The following ADAMTS9 variants were observed in gnomAD, a reference collection of about 807,000 sequenced individuals.
ADAMTS9 encodes ADAM metallopeptidase with thrombospondin type 1 motif 9, also known as A disintegrin and metalloproteinase with thrombospondin motifs 9.
ADAMTS9 carries 107 observed loss-of-function variants against 257.1 expected under a neutral mutation model. The observed-to-expected ratio is 0.42, with a 90% confidence interval of 0.36 to 0.49. The LOEUF is 0.49. ADAMTS9 is among the 20% of genes least tolerant of loss of function. The pLI is 0.03. For missense variants in ADAMTS9, 2,353 were observed against 2,469.1 expected (o/e 0.95, Z 1.00); for synonymous variants, 982 against 880.9 (o/e 1.11, Z -2.03).
At position 64,687,609 on chromosome 3, in the gene ADAMTS9, G is replaced by A; in HGVS notation, c.49C>T (p.Leu17=). 6.3e-7 allele frequency: 1 copy of A among 1,586,872 alleles called. No individual in the cohort carries two copies. Among genetic ancestry groups the A allele is most frequent in the Non-Finnish European group, 8.6e-7 (1 of 1,168,108 alleles). Residue 17 remains leucine, a synonymous_variant, in exon 1 of 40, where the codon CTG becomes TTG. Transcript: ENST00000498707. The surrounding 1 kb of genome is among the most constrained non-coding windows in gnomAD (Gnocchi z 4.4). ...GCGTCTGGGCTCCCCATCTCGGCCA[G>A]GTCCCGCACCAGGAGCGTTAGCAGT... ...ATLLTLLVRD[L]AEMGSPDAAA... is the part of the protein sequence containing the mutation.
At chr3:64,669,846 C>A (rs978817855) in intron 3 of ADAMTS9, among the ~76,000 whole-genome samples, 4 of 152,098 alleles carry the variant, frequency 2.6e-5, no homozygotes, top group African/African-American at 9.7e-5. Flanking sequence ...TTATTTCGGA[C>A]CTGCTAAAAC....
intron 23 of ADAMTS9, among the ~76,000 whole-genome samples, chr3:64,604,904 C>T (rs9870536): frequency 0.089 from 13,502 of 152,212 alleles, 1,885 homozygotes; most frequent in African/African-American, 0.3. Context: ...AGGTCATCTG[C>T]GTACAGGTAA....
rs752084822 is a variant in ADAMTS9 at position 64,593,713 on chromosome 3, T to G, written c.4356+545A>C. Reference sequence around the variant, plus strand: ...ACACCCTAAAAGGCACCAGGTCACCTGTTCCATTTTTGGTCTTTTGCATTT... The same window carrying G: ...ACACCCTAAAAGGCACCAGGTCACCGGTTCCATTTTTGGTCTTTTGCATTT... On this transcript the variant is annotated intron_variant, in intron 28 of 39. Transcript: ENST00000498707. 9.2e-5 allele frequency among the ~76,000 whole-genome samples: 14 copies of G among 152,236 alleles called. 1 individual carries two copies. Among genetic ancestry groups the G allele is most frequent in the Non-Finnish European group, 2.1e-4 (14 of 68,038 alleles).
intron 38 of ADAMTS9, among the ~76,000 whole-genome samples, chr3:64,525,278 T>A (rs11718615): frequency 0.69 from 104,708 of 152,084 alleles, 40,546 homozygotes; most frequent in Non-Finnish European, 0.86. Context: ...GTTCCCCTTA[T>A]GCTTTACCAT....
At chr3:64,544,990 G>C (rs1281053678) in intron 32 of ADAMTS9, among the ~76,000 whole-genome samples, 1 of 93,870 alleles carries the variant, frequency 1.1e-5, no homozygotes, top group Non-Finnish European at 2.2e-5. Flanking sequence ...CATTTATGCA[G>C]CCAAAAGACA....
At chr3:64,668,382 C>G (rs1047910282) in intron 3 of ADAMTS9, among the ~76,000 whole-genome samples, 2 of 152,150 alleles carry the variant, frequency 1.3e-5, no homozygotes, top group Non-Finnish European at 2.9e-5. Flanking sequence ...ATGGTGCATT[C>G]TAGGCAGGAA....
chr3:64,517,329 C>A (rs1008366554), intron 39 of ADAMTS9, among the ~76,000 whole-genome samples: 1 of 151,204 alleles, frequency 6.6e-6, no homozygotes, highest in African/African-American at 2.4e-5. Context: ...TCAGCCTTGA[C>A]CTCCTGGGCA....
intron 12 of ADAMTS9, among the ~76,000 whole-genome samples, chr3:64,637,703 C>T (rs114791530): frequency 0.019 from 2,930 of 152,254 alleles, 90 homozygotes; most frequent in African/African-American, 0.067. Flanking sequence ...AACAGGCAGC[C>T]CCAGAAGGTA....
chr3:64,642,525 C>T (rs1700675802), intron 11 of ADAMTS9, among the ~76,000 whole-genome samples: 1 of 152,134 alleles, frequency 6.6e-6, no homozygotes, highest in South Asian at 2.1e-4. Flanking sequence ...AAAACGGACA[C>T]ACTACAGAGA....
intron 39 of ADAMTS9, among the ~76,000 whole-genome samples, chr3:64,521,958 G>A (rs1272497827): frequency 2.0e-5 from 3 of 152,212 alleles, no homozygotes; most frequent in Admixed American, 1.3e-4. Context: ...GGCCAGCTCT[G>A]TAGAGGGGAA....
rs760873528 is a variant in ADAMTS9, at chr3:64,633,627, A to G, written c.2039-19T>C. On this transcript the variant is annotated intron_variant, in intron 13 of 39. Transcript: ENST00000498707. ...ATCAGAACTAGAGAGGAGAAACAAT[A>G]CAACTTGACTTTTGTGCCTGGCCTC... 1.4e-5 allele frequency: 22 copies of G among 1,613,998 alleles called. No homozygotes were observed. The South Asian group carries it at 2.2e-4, about 16-fold the overall frequency.
intron 28 of ADAMTS9, among the ~76,000 whole-genome samples, chr3:64,593,691 C>T (rs1004495165): frequency 6.6e-6 from 1 of 152,200 alleles, no homozygotes; most frequent in African/African-American, 2.4e-5. Flanking sequence ...ATTTCCGACA[C>T]CCTAAAAGGC....
At chr3:64,554,214 C>T (rs886697195) in intron 30 of ADAMTS9, among the ~76,000 whole-genome samples, 3 of 152,198 alleles carry the variant, frequency 2.0e-5, no homozygotes, top group Non-Finnish European at 4.4e-5. Context: ...AAGCGTTTCT[C>T]TCTCAGTCTT....
intron 19 of ADAMTS9, among the ~76,000 whole-genome samples, chr3:64,620,157 G>A (rs72890826): frequency 0.01 from 1,540 of 152,178 alleles, 23 homozygotes; most frequent in African/African-American, 0.035. Context: ...GTCAGAACTG[G>A]CAAAAATATG....
At position 64,522,152 on chromosome 3, in the gene ADAMTS9, A is replaced by G. The variant is rs948880684; in HGVS notation, c.*5+14T>C. 4.4e-6 allele frequency: 7 copies of G among 1,608,578 alleles called. No individual in the cohort carries two copies. The highest frequency in any genetic ancestry group is 1.3e-5 in the African/African-American group (1 of 74,808). ...AAGACAAATACACAGACAGACAGAC[A>G]TAGGACTACTTACCTTAGCTATAAA... On this transcript the variant is annotated intron_variant, in intron 39 of 39. Transcript: ENST00000498707.
intron 9 of ADAMTS9, 88 bp from the exon 10 acceptor site, chr3:64,649,866 G>A: frequency 1.4e-6 from 2 of 1,423,896 alleles, no homozygotes; most frequent in Non-Finnish European, 1.9e-6. Flanking sequence ...CCCCACCATT[G>A]TAATGGTAGA....
At chr3:64,665,432 C>A (rs561726778) in intron 3 of ADAMTS9, among the ~76,000 whole-genome samples, 1 of 152,304 alleles carries the variant, frequency 6.6e-6, no homozygotes, top group African/African-American at 2.4e-5. Flanking sequence ...GTACCTATTT[C>A]ATAGAGTGGC....
intron 22 of ADAMTS9, among the ~76,000 whole-genome samples, chr3:64,608,258 C>CAAAAAAAAAAAAAAAAAAACAA (rs57247914): frequency 1.9e-5 from 1 of 53,310 alleles, no homozygotes; most frequent in African/African-American, 6.7e-5. Context: ...AAACTAAAAC[C>CAAAAAAAAAAAAAAAAAAACAA]AAAAAAAAAA....
chr3:64,668,102 C>T (rs1011406473), intron 3 of ADAMTS9, among the ~76,000 whole-genome samples: 3 of 152,138 alleles, frequency 2.0e-5, no homozygotes, highest in African/African-American at 7.2e-5. Flanking sequence ...CCACAGACAC[C>T]CTGTCCTGGC....
Sources: allele counts gnomAD v4.1 joint callset (sites outside exome capture counted in the v4.1 genomes callset), GRCh38; gene constraint gnomAD v4.1.1; non-coding constraint Gnocchi (gnomAD v3.1); transcripts MANE v1.5; gene names NCBI Gene and HGNC (gene_info 2026-07-23, HGNC 2026-07-21).